Variants in TMEM132D observed in about 807,000 individuals in gnomAD.
The protein encoded by TMEM132D is transmembrane protein 132D.
A neutral mutation model predicts 62.3 loss-of-function variants in TMEM132D; 21 were observed. That is an observed-to-expected ratio of 0.34 (90% CI 0.24 to 0.49). The LOEUF (loss-of-function observed/expected upper bound fraction) is 0.49. Ranked by LOEUF, TMEM132D falls within the 20% of genes least tolerant of loss-of-function variation. The pLI, the probability that TMEM132D is intolerant of heterozygous loss-of-function variation, is 0.99. For missense variants in TMEM132D, 1,346 were observed against 1,402.8 expected (o/e 0.96, Z 0.65); for synonymous variants, 621 against 575.6 (o/e 1.08, Z -1.13).
intron 3 of TMEM132D, among the ~76,000 whole-genome samples, chr12:129,388,740 A>ACTAACAGCAACACCAATACT (rs1555252772): frequency 8.4e-6 from 1 of 119,748 alleles, no homozygotes. Context: ...TAATATAAAC[A>ACTAACAGCAACACCAATACT]CTAACAGCAA....
At chr12:129,451,037 C>G (rs188470661) in intron 3 of TMEM132D, among the ~76,000 whole-genome samples, 2 of 152,224 alleles carry the variant, frequency 1.3e-5, no homozygotes, top group East Asian at 3.9e-4. Flanking sequence ...GCTGGGATTA[C>G]AGGCGTGAGC....
chr12:129,606,963 A>G (rs1878642911), intron 2 of TMEM132D, among the ~76,000 whole-genome samples: 1 of 152,062 alleles, frequency 6.6e-6, no homozygotes. Context: ...AACATTTATT[A>G]TGCTTTTCTG....
At chr12:129,391,496 C>T (rs1289148563) in intron 3 of TMEM132D, among the ~76,000 whole-genome samples, 1 of 152,168 alleles carries the variant, frequency 6.6e-6, no homozygotes, top group Non-Finnish European at 1.5e-5. Context: ...CAGAGAACCT[C>T]ACCCTCGAAA....
At chr12:129,566,806 C>G (rs1345080824) in intron 2 of TMEM132D, among the ~76,000 whole-genome samples, 1 of 152,172 alleles carries the variant, frequency 6.6e-6, no homozygotes, top group Non-Finnish European at 1.5e-5. Context: ...ATTCATCTGT[C>G]TAGTAAGAAC....
At chr12:129,489,837 T>C (rs1874707566) in intron 3 of TMEM132D, among the ~76,000 whole-genome samples, 1 of 152,242 alleles carries the variant, frequency 6.6e-6, no homozygotes, top group South Asian at 2.1e-4. Context: ...CTAAAGTCTT[T>C]TCTAGCCATA....
chr12:129,875,016 G>A (rs1566016220), intron 1 of TMEM132D, among the ~76,000 whole-genome samples: 1 of 152,220 alleles, frequency 6.6e-6, no homozygotes, highest in East Asian at 1.9e-4. Flanking sequence ...TGAAAAGAAG[G>A]ATGATATTGC....
chr12:129,320,927 ATGAAAGCGAGCCACCCACTAGACAT>A (rs1014747657), intron 4 of TMEM132D, among the ~76,000 whole-genome samples: 1 of 150,240 alleles, frequency 6.7e-6, no homozygotes, highest in African/African-American at 2.5e-5. Context: ...GAATAATAAA[ATGAAAGCGAGCCACCCACTAGACAT>A]TATTTATACA....
At chr12:129,227,594 AATATAT>A in intron 4 of TMEM132D, among the ~76,000 whole-genome samples, 1 of 148,702 alleles carries the variant, frequency 6.7e-6, no homozygotes, top group East Asian at 2.0e-4. Context: ...TTTATTTTTT[AATATAT>A]ATATATATTT....
At chr12:129,775,647 G>A (rs1194058295) in intron 1 of TMEM132D, among the ~76,000 whole-genome samples, 2 of 152,176 alleles carry the variant, frequency 1.3e-5, no homozygotes, top group Admixed American at 6.5e-5. Context: ...AAATGCAGGA[G>A]AAAATCAAAG....
At chr12:129,355,562 C>T (rs575146371) in intron 3 of TMEM132D, among the ~76,000 whole-genome samples, 2 of 152,106 alleles carry the variant, frequency 1.3e-5, no homozygotes, top group African/African-American at 2.4e-5. Flanking sequence ...AGTATCTGAA[C>T]GACCCTTTCC....
At chr12:129,207,819 G>A (rs1878899826) in intron 5 of TMEM132D, among the ~76,000 whole-genome samples, 1 of 152,150 alleles carries the variant, frequency 6.6e-6, no homozygotes, top group African/African-American at 2.4e-5. Flanking sequence ...GGTCCACGTG[G>A]CCATTTAATA....
chr12:129,446,434 T>C (rs529627441), intron 3 of TMEM132D, among the ~76,000 whole-genome samples: 1 of 152,340 alleles, frequency 6.6e-6, no homozygotes, highest in East Asian at 1.9e-4. Context: ...AAGATATTTA[T>C]GGAGAATACG....
chr12:129,626,467 T>C (rs1194040365), intron 2 of TMEM132D, among the ~76,000 whole-genome samples: 2 of 152,126 alleles, frequency 1.3e-5, no homozygotes, highest in African/African-American at 4.8e-5. Context: ...GTGCCAATTT[T>C]TTTTTTCTGA....
intron 2 of TMEM132D, among the ~76,000 whole-genome samples, chr12:129,602,707 A>G (rs1343220975): frequency 6.6e-6 from 1 of 152,148 alleles, no homozygotes; most frequent in East Asian, 1.9e-4. Context: ...TTCCCCACAC[A>G]TACACAGCCC....
chr12:129,427,122 T>C (rs1455499751), intron 3 of TMEM132D, among the ~76,000 whole-genome samples: 3 of 152,328 alleles, frequency 2.0e-5, no homozygotes, highest in Admixed American at 6.5e-5. Flanking sequence ...TGCTCAAATA[T>C]ACTCTTGTTT....
intron 5 of TMEM132D, chr12:129,113,138 C>A (rs1300300025): frequency 1.3e-5 from 2 of 152,232 alleles, no homozygotes; most frequent in African/African-American, 4.8e-5. Flanking sequence ...ATCATGGCAT[C>A]TGGACATCGA....
intron 4 of TMEM132D, among the ~76,000 whole-genome samples, chr12:129,291,697 T>G (rs1881453621): frequency 6.6e-6 from 1 of 152,020 alleles, no homozygotes; most frequent in South Asian, 2.1e-4. Flanking sequence ...CTCCTCAAGA[T>G]CCCCCTGCTT....
At chr12:129,868,234 G>A (rs1874122997) in intron 1 of TMEM132D, among the ~76,000 whole-genome samples, 1 of 151,966 alleles carries the variant, frequency 6.6e-6, no homozygotes, top group Admixed American at 6.6e-5. Flanking sequence ...TGGTACATGA[G>A]GCAGCGTTTC....
intron 2 of TMEM132D, among the ~76,000 whole-genome samples, chr12:129,662,000 AC>A (rs1193716664): frequency 1.3e-5 from 2 of 152,210 alleles, no homozygotes; most frequent in Non-Finnish European, 2.9e-5. Context: ...GATCTGTGGT[AC>A]AGCTCAGAAG....
Sources: allele counts gnomAD v4.1 joint callset (sites outside exome capture counted in the v4.1 genomes callset), GRCh38; gene constraint gnomAD v4.1.1; transcripts MANE v1.5; gene names NCBI Gene and HGNC (gene_info 2026-07-23, HGNC 2026-07-21).